MDGA2: variants seen among roughly 807,000 people sequenced by gnomAD.
The protein encoded by MDGA2 is MAM domain containing glycosylphosphatidylinositol anchor 2.
MDGA2 carries 40 observed loss-of-function variants against 117.8 expected under a neutral mutation model. The observed-to-expected ratio is 0.34, with a 90% CI of 0.26 to 0.44. MDGA2 has a LOEUF of 0.44. Among genes scored for constraint, MDGA2 ranks in the 20% least tolerant of loss-of-function variants. The probability of loss-of-function intolerance (pLI) is 1.00; values close to 1 mark genes in which losing one functional copy is unlikely to be tolerated. For missense variants in MDGA2, 1,123 were observed against 1,250.6 expected (o/e 0.90, Z 1.54); for synonymous variants, 452 against 439.0 (o/e 1.03, Z -0.37).
intron 16 of MDGA2, among the ~76,000 whole-genome samples, chr14:46,842,393 T>C (rs1253882674): frequency 6.6e-6 from 1 of 151,972 alleles, no homozygotes; most frequent in African/African-American, 2.4e-5. Context: ...TTTTCAAGCT[T>C]CCCGAAGTGG....
chr14:46,995,145 A>C (rs1447066284), intron 8 of MDGA2, among the ~76,000 whole-genome samples: 1 of 152,200 alleles, frequency 6.6e-6, no homozygotes, highest in Non-Finnish European at 1.5e-5. Flanking sequence ...GGCATCAAAA[A>C]ACAATTTAAG....
chr14:46,928,611 G>C (rs1274783589), intron 9 of MDGA2, among the ~76,000 whole-genome samples: 3 of 151,962 alleles, frequency 2.0e-5, no homozygotes, highest in Non-Finnish European at 2.9e-5. Flanking sequence ...TAGTGACTCA[G>C]CATGCCAATA....
At chr14:47,638,372 C>T (rs1283341381) in intron 1 of MDGA2, among the ~76,000 whole-genome samples, 1 of 152,022 alleles carries the variant, frequency 6.6e-6, no homozygotes, top group Admixed American at 6.6e-5. Context: ...ATTTGTGCAC[C>T]TCAAACAAAA....
chr14:46,926,242 T>C (rs912923533), intron 9 of MDGA2, among the ~76,000 whole-genome samples: 1 of 152,178 alleles, frequency 6.6e-6, no homozygotes, highest in African/African-American at 2.4e-5. Flanking sequence ...AACTGAGTGA[T>C]GGCAAATAAT....
At chr14:47,520,074 CAGAT>C (rs1566496023) in intron 1 of MDGA2, among the ~76,000 whole-genome samples, 1 of 152,172 alleles carries the variant, frequency 6.6e-6, no homozygotes, top group Admixed American at 6.5e-5. Context: ...CCTGGCTTAA[CAGAT>C]AGACTAATTC....
chr14:47,000,067 T>TAAA (rs1039304768), intron 8 of MDGA2, among the ~76,000 whole-genome samples: 1 of 151,168 alleles, frequency 6.6e-6, no homozygotes, highest in African/African-American at 2.4e-5. Flanking sequence ...TTATCTTGCC[T>TAAA]AAAAAAAACT....
rs914926355 is a variant in MDGA2, at chr14:46,927,014, G to T, written c.2090-6854C>A. On this transcript the variant is annotated intron_variant, in intron 9 of 16. Coordinates refer to ENST00000399232, the MANE Select transcript of MDGA2 (RefSeq NM_001113498.3). ...TCTTGAGAGAAGAATGGTCACTAGCGTCTCTAACTGAGAGGGAAAATGACT... is the reference window on the plus strand; with the variant it reads ...TCTTGAGAGAAGAATGGTCACTAGCTTCTCTAACTGAGAGGGAAAATGACT... Among the ~76,000 whole-genome samples, 3 of 152,118 alleles carry T rather than the reference G, an allele frequency of 2.0e-5. No individual in the cohort carries two copies. In the East Asian group the frequency reaches 5.8e-4, roughly 29 times the overall value.
chr14:47,334,106 T>C (rs1257965317), intron 1 of MDGA2, among the ~76,000 whole-genome samples: 1 of 151,840 alleles, frequency 6.6e-6, no homozygotes, highest in East Asian at 1.9e-4. Flanking sequence ...ATTTGAAATC[T>C]TCAAATGACA....
intron 10 of MDGA2, among the ~76,000 whole-genome samples, chr14:46,889,068 T>C (rs1394734404): frequency 1.3e-5 from 2 of 151,994 alleles, no homozygotes; most frequent in Non-Finnish European, 2.9e-5. Flanking sequence ...TAATCCCAAA[T>C]AAAATGTAAC....
chr14:47,462,052 G>A, intron 1 of MDGA2, among the ~76,000 whole-genome samples: 2 of 152,238 alleles, frequency 1.3e-5, no homozygotes, highest in Admixed American at 1.3e-4. Context: ...GCCATTAAAA[G>A]AAGCTTAATA....
chr14:47,222,979 T>C (rs1886355076), intron 2 of MDGA2, among the ~76,000 whole-genome samples: 1 of 152,194 alleles, frequency 6.6e-6, no homozygotes. Context: ...AGAGTTTTAA[T>C]TGGACTTACT....
intron 1 of MDGA2, among the ~76,000 whole-genome samples, chr14:47,474,162 A>C (rs891072629): frequency 6.6e-6 from 1 of 152,200 alleles, no homozygotes; most frequent in African/African-American, 2.4e-5. Context: ...ATGTGCAAAA[A>C]TCACTAGCAT....
At chr14:47,021,675 G>C (rs1017884415) in intron 8 of MDGA2, among the ~76,000 whole-genome samples, 2 of 152,100 alleles carry the variant, frequency 1.3e-5, no homozygotes, top group Non-Finnish European at 2.9e-5. Flanking sequence ...TATGGTTTCT[G>C]TTACATATGC....
chr14:47,620,987 C>G (rs1028128061), intron 1 of MDGA2, among the ~76,000 whole-genome samples: 1 of 152,148 alleles, frequency 6.6e-6, no homozygotes, highest in Non-Finnish European at 1.5e-5. Context: ...CAGCCATTTA[C>G]CTGTAATATA....
chr14:47,034,344 A>G (rs1401801777), intron 8 of MDGA2, among the ~76,000 whole-genome samples: 13 of 152,202 alleles, frequency 8.5e-5, no homozygotes, highest in Non-Finnish European at 5.9e-5. Context: ...ATTTCAGTAA[A>G]AATATAAAAA....
chr14:47,656,214 T>C (rs1897740651), intron 1 of MDGA2, among the ~76,000 whole-genome samples: 1 of 152,156 alleles, frequency 6.6e-6, no homozygotes, highest in South Asian at 2.1e-4. Flanking sequence ...ATGATACATT[T>C]GGGACTGAGC....
chr14:47,163,169 C>T lies in MDGA2; in HGVS notation c.596-18895G>A, dbSNP rs182049818. 2.8e-3 allele frequency among the ~76,000 whole-genome samples: 420 copies of T among 152,280 alleles called. 3 individuals carry two copies. Among genetic ancestry groups the T allele is most frequent in the African/African-American group, 9.9e-3 (411 of 41,556 alleles). ...GTGTGGGAAGACAAAGTCATCCCTG[C>T]TCCATGGACCAGTGGTGAAGAGGCA... On this transcript the variant is annotated intron_variant, in intron 3 of 16. Transcript: ENST00000399232.
At chr14:47,074,042 C>A (rs1890393165) in intron 6 of MDGA2, among the ~76,000 whole-genome samples, 1 of 151,998 alleles carries the variant, frequency 6.6e-6, no homozygotes, top group African/African-American at 2.4e-5. Flanking sequence ...ACAGTAAAGT[C>A]TTTCCCATGT....
intron 9 of MDGA2, among the ~76,000 whole-genome samples, chr14:46,945,589 A>G (rs1398457925): frequency 3.9e-5 from 6 of 152,002 alleles, no homozygotes; most frequent in African/African-American, 7.2e-5. Flanking sequence ...ACTATACAGT[A>G]TTTTGTCCTG....
Sources: allele counts gnomAD v4.1 joint callset (sites outside exome capture counted in the v4.1 genomes callset), GRCh38; gene constraint gnomAD v4.1.1; transcripts MANE v1.5; gene names NCBI Gene and HGNC (gene_info 2026-07-23, HGNC 2026-07-21).